The following LRRC37A2 variants were observed in gnomAD, a reference collection of about 807,000 sequenced individuals.
LRRC37A2 encodes the protein leucine rich repeat containing 37 member A2.
A neutral mutation model predicts 68.8 loss-of-function variants in LRRC37A2; 9 were observed. The observed-to-expected ratio is 0.13, with a 90% CI of 0.08 to 0.23. LRRC37A2 has a LOEUF of 0.23. LRRC37A2 is among the 10% of genes least tolerant of loss of function. The pLI is 1.00. For synonymous variants in LRRC37A2, 63 were observed against 367.6 expected (o/e 0.17, Z 9.48); for missense variants, 168 against 950.4 (o/e 0.18, Z 10.82).
At chr17:46,862,163 C>CAAAAAAAA in the LRRC37A2 span, among the ~76,000 whole-genome samples, 1 of 80,330 alleles carries the variant, frequency 1.2e-5, no homozygotes, top group Non-Finnish European at 3.1e-5. Flanking sequence ...AACTCCGTCT[C>CAAAAAAAA]AAAAAAAAAA....
At chr17:46,893,604 C>T in the LRRC37A2 span, among the ~76,000 whole-genome samples, 1 of 152,006 alleles carries the variant, frequency 6.6e-6, no homozygotes, top group Non-Finnish European at 1.5e-5. Flanking sequence ...TAGGGGAGGG[C>T]AGGACCCCCT....
chr17:46,912,395 T>C, the LRRC37A2 span, among the ~76,000 whole-genome samples: 1 of 152,368 alleles, frequency 6.6e-6, no homozygotes, highest in South Asian at 2.1e-4. Context: ...AGCTCCCCGA[T>C]GACCTGGGGA....
At chr17:46,908,422 G>A in the LRRC37A2 span, among the ~76,000 whole-genome samples, 1 of 152,200 alleles carries the variant, frequency 6.6e-6, no homozygotes, top group Non-Finnish European at 1.5e-5. Flanking sequence ...GCTGAAAATA[G>A]GGTAAGGGAG....
chr17:46,915,790 C>G, the LRRC37A2 span, among the ~76,000 whole-genome samples: 1 of 152,216 alleles, frequency 6.6e-6, no homozygotes, highest in African/African-American at 2.4e-5. Context: ...ATGGGGTTGT[C>G]CAGGGCAACC....
chr17:46,780,513 G>A, the LRRC37A2 span, among the ~76,000 whole-genome samples: 2 of 152,162 alleles, frequency 1.3e-5, no homozygotes, highest in African/African-American at 2.4e-5. Context: ...CTCTGCCCAG[G>A]TGCGGTGGCT....
At chr17:46,788,833 C>T in the LRRC37A2 span, among the ~76,000 whole-genome samples, 2 of 152,206 alleles carry the variant, frequency 1.3e-5, no homozygotes, top group African/African-American at 4.8e-5. Flanking sequence ...CTCCCAGATC[C>T]CACAGGCTGT....
the LRRC37A2 span, chr17:46,938,674 C>T: frequency 1.3e-5 from 21 of 1,614,010 alleles, no homozygotes; most frequent in East Asian, 2.2e-5. Context: ...CATCGAGAAG[C>T]GGGCTTTCCA....
At chr17:46,609,517 C>T in the LRRC37A2 span, among the ~76,000 whole-genome samples, 1 of 151,174 alleles carries the variant, frequency 6.6e-6, no homozygotes, top group African/African-American at 2.4e-5. Context: ...TTTCTTTTTG[C>T]TTTCCAACAG....
the LRRC37A2 span, among the ~76,000 whole-genome samples, chr17:46,859,227 C>T: frequency 6.6e-6 from 1 of 152,162 alleles, no homozygotes; most frequent in Non-Finnish European, 1.5e-5. Flanking sequence ...CCACCTGCCT[C>T]GGCCTCCCAA....
the LRRC37A2 span, chr17:46,939,659 T>C: frequency 7.1e-6 from 7 of 985,736 alleles, no homozygotes; most frequent in Non-Finnish European, 8.4e-6. Flanking sequence ...CTGAAATATA[T>C]TAGCACCTGC....
the LRRC37A2 span, chr17:46,762,587 T>G: frequency 6.6e-6 from 1 of 150,790 alleles, no homozygotes; most frequent in Admixed American, 6.6e-5. Flanking sequence ...AATATATATA[T>G]ATTTATATAA....
chr17:46,902,698 A>T, the LRRC37A2 span, among the ~76,000 whole-genome samples: 1 of 152,128 alleles, frequency 6.6e-6, no homozygotes, highest in Non-Finnish European at 1.5e-5. Context: ...AACACAAAAC[A>T]TTTAGATCTT....
chr17:46,968,332 G>GA, the LRRC37A2 span, among the ~76,000 whole-genome samples: 1 of 152,164 alleles, frequency 6.6e-6, no homozygotes, highest in African/African-American at 2.4e-5. Context: ...AATCTTTAGG[G>GA]AAAAAATGTC....
At chr17:46,731,681 A>C in the LRRC37A2 span, among the ~76,000 whole-genome samples, 1 of 152,196 alleles carries the variant, frequency 6.6e-6, no homozygotes, top group East Asian at 1.9e-4. Context: ...GAGGAAGAAT[A>C]TAGAAATATG....
At chr17:46,853,694 A>G in the LRRC37A2 span, among the ~76,000 whole-genome samples, 1 of 152,100 alleles carries the variant, frequency 6.6e-6, no homozygotes, top group Non-Finnish European at 1.5e-5. Flanking sequence ...GAAACCAGTT[A>G]TAGAATCTTG....
At chr17:47,030,097 C>A in the LRRC37A2 span, among the ~76,000 whole-genome samples, 15,392 of 85,860 alleles carry the variant, frequency 0.18, 2,022 homozygotes, top group East Asian at 0.39. Context: ...TAATCATCAT[C>A]ATCATCATCA....
chr17:46,389,077 C>A, the LRRC37A2 span, among the ~76,000 whole-genome samples: 5 of 79,434 alleles, frequency 6.3e-5, no homozygotes, highest in Admixed American at 1.3e-4. Context: ...CACCTGTAAT[C>A]CCAGGTACTT....
chr17:46,813,164 A>G, the LRRC37A2 span, among the ~76,000 whole-genome samples: 1 of 151,926 alleles, frequency 6.6e-6, no homozygotes, highest in African/African-American at 2.4e-5. Flanking sequence ...TGTCTAATAC[A>G]GGCCCGGAAT....
chr17:46,769,645 AGGCCAAGCCT>A, the LRRC37A2 span: 1 of 1,144,308 alleles, frequency 8.7e-7, no homozygotes, highest in Non-Finnish European at 1.2e-6. Flanking sequence ...GGTGGGGAGG[AGGCCAAGCCT>A]GGCCAAGGGG....
Sources: allele counts gnomAD v4.1 joint callset (sites outside exome capture counted in the v4.1 genomes callset), GRCh38; gene constraint gnomAD v4.1.1; transcripts MANE v1.5; gene names NCBI Gene and HGNC (gene_info 2026-07-23, HGNC 2026-07-21).